Variants in SCUBE3 observed in about 807,000 individuals in gnomAD.
SCUBE3 encodes signal peptide, CUB domain and EGF like domain containing 3.
In SCUBE3, 33 loss-of-function variants were observed where a neutral mutation model predicts 116.8. The observed-to-expected ratio is 0.28, with a 90% CI of 0.21 to 0.38. SCUBE3 has a LOEUF of 0.38. Ranked by LOEUF, SCUBE3 falls within the 10% of genes least tolerant of loss-of-function variation. The pLI is 1.00. For missense variants in SCUBE3, 1,007 were observed against 1,324.8 expected (o/e 0.76, Z 3.72); for synonymous variants, 418 against 496.9 (o/e 0.84, Z 2.11).
Position 35,219,663 on chromosome 6 carries a change from C to T in SCUBE3, c.85+5160C>T, listed in dbSNP as rs1783050154. Among the ~76,000 whole-genome samples, 1 of 151,898 alleles carries T rather than the reference C, an allele frequency of 6.6e-6. No individual in the cohort carries two copies. The highest frequency in any genetic ancestry group is 2.4e-5 in the African/African-American group (1 of 41,304). On this transcript the variant is annotated intron_variant, in intron 1 of 21. Transcript: ENST00000274938. The surrounding 1 kb of genome is among the most constrained non-coding windows in gnomAD (Gnocchi z 4.7). ...ATAAGGAAACACATCTAAGGAATCC[C>T]TCTGAAAGTGGGGAGTATCAGGATA... is the stretch of plus-strand genomic sequence containing the variant.
chr6:35,225,856 G>A (rs1783301673), intron 1 of SCUBE3, among the ~76,000 whole-genome samples: 1 of 152,152 alleles, frequency 6.6e-6, no homozygotes, highest in Admixed American at 6.5e-5. Context: ...TGAGTCCTGA[G>A]AATCTGCATT....
In SCUBE3 at chr6:35,243,756, G is replaced by A; in HGVS notation, c.2071+1G>A. ...GCCACCAACGTCACCACGTGTGCAG[G>A]TGCCAGGGGAACAAACAATACAGAG... On this transcript the variant is annotated splice_donor_variant, in intron 16 of 21. Transcript: ENST00000274938. LOFTEE classifies it high-confidence loss of function. The surrounding 1 kb of genome is among the most constrained non-coding windows in gnomAD (Gnocchi z 6.6). The A allele has an allele frequency of 1.9e-6, 3 of 1,613,752 alleles. No homozygotes were observed. The highest frequency in any genetic ancestry group is 2.5e-6 in the Non-Finnish European group (3 of 1,179,728).
Position 35,248,779 on chromosome 6 carries a change from C to A in SCUBE3, c.*74C>A, listed in dbSNP as rs1581962256. ...CCCTCAGAGCCGGCAGCCCCCTACC[C>A]TCAGACAAGGAACTCTCTCCTCTCT... On this transcript the variant is annotated 3_prime_UTR_variant, in exon 22 of 22. Transcript: ENST00000274938. The A allele has an allele frequency of 1.6e-6, 2 of 1,222,988 alleles. No homozygotes were observed. Among genetic ancestry groups the A allele is most frequent in the Non-Finnish European group, 1.2e-6 (1 of 856,754 alleles). 75.8% of individuals were successfully genotyped at this position (1,222,988 alleles called of 1,614,324 possible).
intron 1 of SCUBE3, among the ~76,000 whole-genome samples, chr6:35,227,215 C>A (rs947432278): frequency 4.6e-5 from 7 of 152,132 alleles, no homozygotes; most frequent in African/African-American, 1.7e-4. Flanking sequence ...CTTAACTTTC[C>A]CTCTAAGCCT....
chr6:35,242,869 G>A (rs1644197059), intron 14 of SCUBE3, 89 bp downstream of exon 14: 2 of 1,547,236 alleles, frequency 1.3e-6, no homozygotes, highest in Non-Finnish European at 1.8e-6. Context: ...AGGAAGGGAT[G>A]GAGCCTGTAC....
At position 35,245,138 on chromosome 6, in the gene SCUBE3, C is replaced by T. The variant is rs535966131; in HGVS notation, c.2402-90C>T. On this transcript the variant is annotated intron_variant, in intron 18 of 21. Coordinates refer to ENST00000274938, the MANE Select transcript of SCUBE3 (RefSeq NM_152753.4). The surrounding 1 kb of genome is among the most constrained non-coding windows in gnomAD (Gnocchi z 4.2). ...CGCAGACTTCCCATAAATGTCTGAC[C>T]TCTACTTCAGAACTCTTCAATTCCC... 8.5e-7 allele frequency: 1 copy of T among 1,182,420 alleles called. No homozygotes were observed. Among genetic ancestry groups the T allele is most frequent in the Non-Finnish European group, 1.2e-6 (1 of 800,202 alleles). The allele number at this position is 1,182,420 out of a possible 1,614,324, so 73.2% of individuals were successfully genotyped here.
intron 6 of SCUBE3, among the ~76,000 whole-genome samples, chr6:35,236,017 T>C (rs1298624834): frequency 6.6e-6 from 1 of 152,234 alleles, no homozygotes; most frequent in Non-Finnish European, 1.5e-5. Flanking sequence ...GACCTGAGTT[T>C]GAATCCTGGC....
Position 35,251,711 on chromosome 6 carries a change from G to T in SCUBE3, c.*3006G>T, listed in dbSNP as rs1404602511. The T allele has an allele frequency of 1.3e-5, 2 of 152,232 alleles. No homozygotes were observed. Among genetic ancestry groups the T allele is most frequent in the Admixed American group, 1.3e-4 (2 of 15,286 alleles). 9.4% of individuals were successfully genotyped at this position (152,232 alleles called of 1,614,324 possible). A position where few individuals can be genotyped will look rare whatever the true frequency, so the allele number is the denominator to read the frequency against. On this transcript the variant is annotated 3_prime_UTR_variant, in exon 22 of 22. Transcript: ENST00000274938. ...AATTGATGTCAAGGCAGATCTTGGT[G>T]AGCAGGTAAAAACCTGCTATTGTCC...
At position 35,244,394 on chromosome 6, in the gene SCUBE3, A is replaced by G. The variant is rs560182640; in HGVS notation, c.2240-256A>G. 6.6e-6 allele frequency among the ~76,000 whole-genome samples: 1 copy of G among 152,284 alleles called. No individual in the cohort carries two copies. Among genetic ancestry groups the G allele is most frequent in the Admixed American group, 6.5e-5 (1 of 15,300 alleles). On this transcript the variant is annotated intron_variant, in intron 17 of 21. Transcript: ENST00000274938. This position sits in a 1 kb window ranked among gnomAD's most constrained non-coding sequence, Gnocchi z 4.3. ...TGGCATATTCTCCTCCATATCCCAA[A>G]TGAGTTTCTATATAGGTTTGGCACT...
chr6:35,245,531 G>A lies in SCUBE3; in HGVS notation c.2599+106G>A. 1 of 907,198 alleles carries A rather than the reference G, an allele frequency of 1.1e-6. No homozygotes were observed. The highest frequency in any genetic ancestry group is 1.8e-6 in the Non-Finnish European group (1 of 567,656). 56.2% of individuals were successfully genotyped at this position (907,198 alleles called of 1,614,324 possible). A position where few individuals can be genotyped will look rare whatever the true frequency, so the allele number is the denominator to read the frequency against. ...GGAAGAAATGGGGCAGTGAAGTTAG[G>A]GATCTATGAGGGTGAAATAGTGAGA... On this transcript the variant is annotated intron_variant, in intron 19 of 21. Coordinates refer to ENST00000274938, the MANE Select transcript of SCUBE3 (RefSeq NM_152753.4). The surrounding 1 kb of genome is among the most constrained non-coding windows in gnomAD (Gnocchi z 4.2).
intron 1 of SCUBE3, chr6:35,220,392 T>C (rs1783076968): frequency 1.3e-5 from 2 of 152,204 alleles, no homozygotes; most frequent in Non-Finnish European, 2.9e-5. Flanking sequence ...ATGAGTTTAT[T>C]TTTTTCAATT....
chr6:35,228,544 A>T lies in SCUBE3; in HGVS notation c.209-70A>T. 6.4e-7 allele frequency: 1 copy of T among 1,563,696 alleles called. No individual in the cohort carries two copies. The highest frequency in any genetic ancestry group is 8.8e-7 in the Non-Finnish European group (1 of 1,140,770). ...ACATAACTATGTAAACACAACCATA[A>T]GGCTGAGTCTGGGGGTGGACAGTGG... On this transcript the variant is annotated intron_variant, in intron 2 of 21. Coordinates refer to ENST00000274938, the MANE Select transcript of SCUBE3 (RefSeq NM_152753.4). The surrounding 1 kb of genome is among the most constrained non-coding windows in gnomAD (Gnocchi z 4.9).
At chr6:35,226,480 C>CTTTTTTTTTTT (rs764779695) in intron 1 of SCUBE3, among the ~76,000 whole-genome samples, 21 of 85,226 alleles carry the variant, frequency 2.5e-4, no homozygotes, top group East Asian at 5.0e-4. Flanking sequence ...TTTCTATGTC[C>CTTTTTTTTTTT]TTTTTTTTTT....
intron 1 of SCUBE3, among the ~76,000 whole-genome samples, chr6:35,226,480 C>CTTTTTTTTTTTTTTTTCTTT (rs1783329081): frequency 1.2e-5 from 1 of 85,204 alleles, no homozygotes; most frequent in East Asian, 5.0e-4. Context: ...TTTCTATGTC[C>CTTTTTTTTTTTTTTTTCTTT]TTTTTTTTTT....
chr6:35,245,080 A>G lies in SCUBE3; in HGVS notation c.2402-148A>G. On this transcript the variant is annotated intron_variant, in intron 18 of 21. Coordinates refer to ENST00000274938, the MANE Select transcript of SCUBE3 (RefSeq NM_152753.4). The surrounding 1 kb of genome is among the most constrained non-coding windows in gnomAD (Gnocchi z 4.2). ...ACTAAAAGGGCAGGAAGGAAGATGG[A>G]CTCAGAGCTTGGAAAATAATGATGA... 1 of 771,960 alleles carries G rather than the reference A, an allele frequency of 1.3e-6. No homozygotes were observed. The allele number at this position is 771,960 out of a possible 1,614,324, so 47.8% of individuals were successfully genotyped here.
chr6:35,252,463 T>C lies in SCUBE3; in HGVS notation c.*3758T>C, dbSNP rs571413999. ...CTCTGGAATGGATTATGAGGTCATA[T>C]CTCAAAATGTCAGAAAACGTTATAG... On this transcript the variant is annotated 3_prime_UTR_variant, in exon 22 of 22. Transcript: ENST00000274938. The C allele has an allele frequency of 6.6e-6, 1 of 152,360 alleles. No individual in the cohort carries two copies. Among genetic ancestry groups the C allele is most frequent in the South Asian group, 2.1e-4 (1 of 4,830 alleles). The allele number at this position is 152,360 out of a possible 1,614,324, so 9.4% of individuals were successfully genotyped here.
At chr6:35,217,526 G>A (rs561530897) in intron 1 of SCUBE3, among the ~76,000 whole-genome samples, 4 of 151,632 alleles carry the variant, frequency 2.6e-5, no homozygotes, top group African/African-American at 4.8e-5. Flanking sequence ...TCTCTGTCTC[G>A]GTGTGTCTCT....
In SCUBE3 at chr6:35,241,656, C is replaced by G. The variant is rs1362574325; in HGVS notation, c.1309C>G (p.Pro437Ala). Residue 437 changes from proline (P) to alanine (A), a missense_variant, in exon 11 of 22, where the codon CCA becomes GCA. By Grantham distance (27) the Pro-to-Ala change is conservative (BLOSUM62 -1). This residue lies in a region of SCUBE3 where 544 missense variants were observed against 638.9 expected (regional missense o/e 0.85). Transcript: ENST00000274938. The surrounding 1 kb of genome is among the most constrained non-coding windows in gnomAD (Gnocchi z 4.1). ...CTGTCCCTCCAGGGCCCGATTTTTG[C>G]CAGGTACATGGGAGGAGGGTGCTGG... The part of the protein sequence containing the change: ...LTCPSRARFL[P>A]ESENGFTVSC... The G allele has an allele frequency of 1.6e-5, 25 of 1,606,696 alleles. No homozygotes were observed. Among genetic ancestry groups the G allele is most frequent in the Non-Finnish European group, 2.0e-5 (24 of 1,173,160 alleles).
chr6:35,221,170 G>A (rs1394641340), intron 1 of SCUBE3: 1 of 152,214 alleles, frequency 6.6e-6, no homozygotes, highest in East Asian at 1.9e-4. Flanking sequence ...ATCATTGAGA[G>A]TTAGCATGGA....
Sources: gnomAD v4.1 joint callset for allele counts (sites outside exome capture counted in the v4.1 genomes callset) on GRCh38, gnomAD v4.1.1 for gene constraint, gnomAD v4.1.1 regional missense constraint, Gnocchi (gnomAD v3.1) non-coding constraint, MANE v1.5 for transcripts, NCBI Gene and HGNC (gene_info 2026-07-23, HGNC 2026-07-21) for gene names.